DPYD: variants seen among roughly 807,000 people sequenced by gnomAD.
DPYD encodes dihydropyrimidine dehydrogenase.
Under a neutral mutation model 116.2 loss-of-function variants are expected in DPYD, and 109 were observed. That is an observed-to-expected ratio of 0.94 (90% CI 0.80 to 1.10). The LOEUF (loss-of-function observed/expected upper bound fraction) is 1.10. Ranked by LOEUF, DPYD falls within the 50% of genes least tolerant of loss-of-function variation. The pLI, the probability that DPYD is intolerant of heterozygous loss-of-function variation, is 0.00. For synonymous variants in DPYD, 440 were observed against 432.0 expected (o/e 1.02, Z -0.23); for missense variants, 1,302 against 1,254.5 (o/e 1.04, Z -0.57).
At chr1:97,361,639 C>G (rs1393422201) in intron 16 of DPYD, among the ~76,000 whole-genome samples, 2 of 152,098 alleles carry the variant, frequency 1.3e-5, no homozygotes, top group Admixed American at 1.3e-4. Context: ...GGCATGCCAG[C>G]CTGGTTCAAC....
chr1:97,745,889 T>C (rs1016568822), intron 3 of DPYD, among the ~76,000 whole-genome samples: 1 of 152,010 alleles, frequency 6.6e-6, no homozygotes, highest in Non-Finnish European at 1.5e-5. Context: ...CATCTCTTGA[T>C]GACATCAGTG....
intron 8 of DPYD, among the ~76,000 whole-genome samples, chr1:97,671,589 CA>C (rs1282925184): frequency 6.6e-6 from 1 of 152,100 alleles, no homozygotes; most frequent in East Asian, 1.9e-4. Context: ...CAAAATTTCT[CA>C]ACAAGTTATT....
At chr1:97,285,479 T>C (rs1478568963) in intron 18 of DPYD, among the ~76,000 whole-genome samples, 1 of 152,166 alleles carries the variant, frequency 6.6e-6, no homozygotes, top group African/African-American at 2.4e-5. Flanking sequence ...ATCCTTATAA[T>C]TGCTCTTTGA....
intron 18 of DPYD, among the ~76,000 whole-genome samples, chr1:97,290,532 C>T (rs568658759): frequency 2.0e-5 from 3 of 151,960 alleles, no homozygotes; most frequent in Non-Finnish European, 4.4e-5. Flanking sequence ...AATAACACCG[C>T]ATATCTACAA....
rs1663275229 is a variant in DPYD at position 97,726,570 on chromosome 1, G to A, written c.322-4899C>T. Among the ~76,000 whole-genome samples the A allele has an allele frequency of 2.0e-5, 3 of 151,400 alleles. No homozygotes were observed. In the South Asian group the frequency reaches 6.2e-4, roughly 31 times the overall value. On this transcript the variant is annotated intron_variant, in intron 4 of 22. Transcript: ENST00000370192. Reference sequence around the variant, plus strand: ...ATGACATCACAGAAACACTTGATGTGATTCATTAACAAATATTTGACTGAC... The same window carrying A: ...ATGACATCACAGAAACACTTGATGTAATTCATTAACAAATATTTGACTGAC...
chr1:97,421,809 G>A (rs923661375), intron 14 of DPYD, among the ~76,000 whole-genome samples: 1 of 152,140 alleles, frequency 6.6e-6, no homozygotes, highest in East Asian at 1.9e-4. Context: ...AAAATTCTCA[G>A]CTTCAAAGAC....
chr1:97,875,608 T>C (rs1353242262), intron 2 of DPYD, among the ~76,000 whole-genome samples: 1 of 152,022 alleles, frequency 6.6e-6, no homozygotes, highest in Admixed American at 6.6e-5. Context: ...CTACAATATG[T>C]GTAAATGAGC....
intron 14 of DPYD, among the ~76,000 whole-genome samples, chr1:97,385,134 T>A (rs751001230): frequency 6.6e-6 from 1 of 151,768 alleles, no homozygotes; most frequent in Non-Finnish European, 1.5e-5. Flanking sequence ...CAGTTAGAGA[T>A]GCTTTCCGCC....
intron 1 of DPYD, among the ~76,000 whole-genome samples, chr1:97,913,913 T>A (rs554286755): frequency 6.6e-6 from 1 of 151,354 alleles, no homozygotes; most frequent in South Asian, 2.1e-4. Flanking sequence ...AGGCCTGGAG[T>A]TGACATGTAA....
In DPYD at chr1:97,229,587, T is replaced by TAAAA. The variant is rs1553237979; in HGVS notation, c.2442+5264_2442+5265insTTTT. On this transcript the variant is annotated intron_variant, in intron 19 of 22. Coordinates refer to ENST00000370192, the MANE Select transcript of DPYD (RefSeq NM_000110.4). Reference sequence around the variant, plus strand: ...ATATATATATATATATATATATATATATACTGATTTTAATTCATACTTTAG... The same window carrying TAAAA: ...ATATATATATATATATATATATATATAAAAATACTGATTTTAATTCATACTTTAG... Among the ~76,000 whole-genome samples the TAAAA allele has an allele frequency of 2.5e-3, 164 of 64,662 alleles. 2 individuals carry two copies. Among genetic ancestry groups the TAAAA allele is most frequent in the African/African-American group, 8.8e-3 (152 of 17,284 alleles). 42.4% of individuals were successfully genotyped at this position (64,662 alleles called of 152,430 possible).
chr1:97,485,409 C>G (rs1344361013), intron 13 of DPYD, among the ~76,000 whole-genome samples: 1 of 152,130 alleles, frequency 6.6e-6, no homozygotes, highest in African/African-American at 2.4e-5. Context: ...GCCATGTTGG[C>G]CAGGCTGGTC....
At chr1:97,666,968 G>A (rs1292606723) in intron 8 of DPYD, among the ~76,000 whole-genome samples, 1 of 152,064 alleles carries the variant, frequency 6.6e-6, no homozygotes, top group Non-Finnish European at 1.5e-5. Flanking sequence ...GTAATTTTTT[G>A]GTGCATCATC....
At position 97,743,894 on chromosome 1, in the gene DPYD, T is replaced by C. The variant is rs74105297; in HGVS notation, c.234-3415A>G. On this transcript the variant is annotated intron_variant, in intron 3 of 22. Transcript: ENST00000370192. ...TTTTAAATGCATAAGCAGCAAAAAT[T>C]AATTCAGAGAAACAATTATGTCATA... Among the ~76,000 whole-genome samples the C allele has an allele frequency of 3.7e-3, 558 of 152,190 alleles. 8 individuals carry two copies. Among genetic ancestry groups the C allele is most frequent in the African/African-American group, 0.013 (544 of 41,564 alleles).
chr1:97,736,576 T>C (rs531424046), intron 4 of DPYD, among the ~76,000 whole-genome samples: 1 of 152,248 alleles, frequency 6.6e-6, no homozygotes, highest in South Asian at 2.1e-4. Context: ...AGAATTAATA[T>C]CCACAGAACG....
intron 3 of DPYD, among the ~76,000 whole-genome samples, chr1:97,752,002 G>A (rs1056570130): frequency 5.3e-5 from 8 of 151,842 alleles, no homozygotes; most frequent in Admixed American, 3.9e-4. Context: ...CAGGCAGTCC[G>A]CCCACCTCAG....
At position 97,234,963 on chromosome 1, in the gene DPYD, A is replaced by G. The variant is rs770087651; in HGVS notation, c.2331T>C (p.Ala777=). The part of the protein sequence containing the change: ...GTAIRPIALR[A]VTSIARALPG... ...GCAGAGCACGAGCAATGGAGGTCAC[A>G]GCTCTCAAAGCAATAGGTCTGATTG... is the stretch of plus-strand genomic sequence containing the variant. Residue 777 remains alanine, a synonymous_variant, in exon 19 of 23, where the codon GCT becomes GCC. Coordinates refer to ENST00000370192, the MANE Select transcript of DPYD (RefSeq NM_000110.4). 15 of 1,614,020 alleles carry G rather than the reference A, an allele frequency of 9.3e-6. No homozygotes were observed. Among genetic ancestry groups the G allele is most frequent in the Admixed American group, 5.0e-5 (3 of 60,010 alleles).
intron 8 of DPYD, among the ~76,000 whole-genome samples, chr1:97,665,752 A>T (rs1659521740): frequency 6.6e-6 from 1 of 152,206 alleles, no homozygotes; most frequent in Admixed American, 6.5e-5. Context: ...ACAAATGTGT[A>T]CTTATTTGTT....
chr1:97,907,833 C>T (rs1207075084), intron 1 of DPYD, among the ~76,000 whole-genome samples: 1 of 151,952 alleles, frequency 6.6e-6, no homozygotes, highest in East Asian at 1.9e-4. Context: ...ATTACACAAA[C>T]TTAGTGGCTT....
At chr1:97,601,190 T>G (rs1022467174) in intron 8 of DPYD, among the ~76,000 whole-genome samples, 4 of 152,098 alleles carry the variant, frequency 2.6e-5, no homozygotes, top group Non-Finnish European at 5.9e-5. Context: ...GATTTTAGAA[T>G]GCAGACAACC....
Sources: gnomAD v4.1 joint callset for allele counts (sites outside exome capture counted in the v4.1 genomes callset) on GRCh38, gnomAD v4.1.1 for gene constraint, MANE v1.5 for transcripts, NCBI Gene and HGNC (gene_info 2026-07-23, HGNC 2026-07-21) for gene names.